POU2F3: variants seen among roughly 807,000 people sequenced by gnomAD.
The protein encoded by POU2F3 is POU domain, class 2, transcription factor 3.
A neutral mutation model predicts 59.2 loss-of-function variants in POU2F3; 23 were observed. The ratio of observed to expected loss-of-function variants is 0.39; its 90% confidence interval spans 0.28 to 0.55. The LOEUF is 0.55. Among genes scored for constraint, POU2F3 ranks in the 20% least tolerant of loss-of-function variants. The pLI is 0.66. For synonymous variants in POU2F3, 190 were observed against 214.6 expected (o/e 0.89, Z 1.00); for missense variants, 473 against 544.5 (o/e 0.87, Z 1.31).
At chr11:120,237,323 C>T (rs961307422), upstream of POU2F3, among the ~76,000 whole-genome samples, 1 of 151,938 alleles carries the variant, frequency 6.6e-6, no homozygotes, top group Admixed American at 6.5e-5. Flanking sequence ...CTATCCTCTC[C>T]CCACCCAGCC....
chr11:120,268,086 A>G (rs1939910602), intron 2 of POU2F3, among the ~76,000 whole-genome samples: 1 of 152,178 alleles, frequency 6.6e-6, no homozygotes, highest in South Asian at 2.1e-4. Flanking sequence ...GTAACCATTA[A>G]AAATGATACT....
chr11:120,279,020 A>G (rs1940451988), intron 3 of POU2F3, among the ~76,000 whole-genome samples: 1 of 152,164 alleles, frequency 6.6e-6, no homozygotes, highest in Non-Finnish European at 1.5e-5. Flanking sequence ...CCGGGCATTG[A>G]GTATAAAAGG....
At chr11:120,239,204 A>G (rs1344496224), upstream of POU2F3, among the ~76,000 whole-genome samples, 1 of 152,328 alleles carries the variant, frequency 6.6e-6, no homozygotes, top group Middle Eastern at 3.4e-3. Context: ...AAGGAAAGCG[A>G]GGCCCTGCCC....
chr11:120,305,663 T>C lies in POU2F3; in HGVS notation c.647T>C (p.Met216Thr), dbSNP rs371408943. The change falls in exon 8 of 13, where the codon ATG becomes ACG. Residue 216 changes from methionine to threonine, a missense_variant. Coordinates refer to ENST00000543440, the MANE Select transcript of POU2F3 (RefSeq NM_014352.4). The part of the protein sequence containing the change: ...GFTQGDVGLA[M>T]GKLYGNDFSQ... Reference sequence around the variant, plus strand: ...GCTTAGGGAGATGTGGGGCTGGCGATGGGAAAGCTGTATGGCAACGACTTC... The same window carrying C: ...GCTTAGGGAGATGTGGGGCTGGCGACGGGAAAGCTGTATGGCAACGACTTC... The C allele has an allele frequency of 1.2e-6, 2 of 1,613,884 alleles. No homozygotes were observed.
At chr11:120,244,644 T>C (rs1035283096) in intron 1 of POU2F3, among the ~76,000 whole-genome samples, 2 of 152,152 alleles carry the variant, frequency 1.3e-5, no homozygotes, top group Non-Finnish European at 2.9e-5. Context: ...TTTCCAGCAG[T>C]CTCTGACTCA....
chr11:120,265,348 A>G (rs1212078380), intron 2 of POU2F3: 1 of 150,472 alleles, frequency 6.6e-6, no homozygotes, highest in African/African-American at 2.5e-5. Context: ...AGGCTGAGCC[A>G]TGTGCCACTC....
chr11:120,282,947 G>T (rs1271729380), intron 3 of POU2F3, among the ~76,000 whole-genome samples: 3 of 152,206 alleles, frequency 2.0e-5, no homozygotes, highest in African/African-American at 4.8e-5. Context: ...AGCCTAGGAA[G>T]ATTTGGATAC....
rs559034361 is a variant in POU2F3 at position 120,315,397 on chromosome 11, C to T, written c.1105C>T (p.Pro369Ser). The change falls in exon 11 of 13, where the codon CCT becomes TCT. Residue 369 changes from proline to serine, a missense_variant. Physicochemically the swap from Pro to Ser is moderately conservative, Grantham distance 74. Coordinates refer to ENST00000543440, the MANE Select transcript of POU2F3 (RefSeq NM_014352.4). The part of the protein sequence containing the change: ...PSGSLGPLSV[P>S]PVHSTMPGTV... The stretch of plus-strand genomic sequence containing the variant: ...AGGGTCTCTGGGCCCCCTCTCTGTC[C>T]CTCCTGTCCACAGTACCATGCCTGG... 2 of 1,613,658 alleles carry T rather than the reference C, an allele frequency of 1.2e-6. No individual in the cohort carries two copies. The highest frequency in any genetic ancestry group is 1.7e-5 in the Admixed American group (1 of 60,020).
In POU2F3 at chr11:120,255,300, A is replaced by G. The variant is rs540888255; in HGVS notation, c.97+8783A>G. ...CAGCTGGGGACACTCCACCTGCCCC[A>G]GTAGGGGGCTTGCCTTCCCTTCAGC... On this transcript the variant is annotated intron_variant, in intron 2 of 12. Coordinates refer to ENST00000543440, the MANE Select transcript of POU2F3 (RefSeq NM_014352.4). Among the ~76,000 whole-genome samples, 10 of 152,286 alleles carry G rather than the reference A, an allele frequency of 6.6e-5. No individual in the cohort carries two copies. The East Asian group carries it at 1.9e-3, about 30-fold the overall frequency.
At chr11:120,292,248 C>T (rs1490473079) in intron 3 of POU2F3, among the ~76,000 whole-genome samples, 3 of 152,138 alleles carry the variant, frequency 2.0e-5, no homozygotes, top group Admixed American at 2.0e-4. Flanking sequence ...AGTCAGGATC[C>T]TGATTGATTC....
upstream of POU2F3, among the ~76,000 whole-genome samples, chr11:120,236,871 G>A (rs757520534): frequency 2.4e-4 from 37 of 152,194 alleles, no homozygotes; most frequent in Non-Finnish European, 5.0e-4. Flanking sequence ...GGCACATGAG[G>A]GAGAAGCAGG....
At chr11:120,280,165 G>T (rs1264158416) in intron 3 of POU2F3, among the ~76,000 whole-genome samples, 1 of 152,192 alleles carries the variant, frequency 6.6e-6, no homozygotes, top group Non-Finnish European at 1.5e-5. Context: ...CAAGGCTTTT[G>T]AAAGGGAAGC....
At chr11:120,304,986 T>A (rs537192186) in intron 6 of POU2F3, 44 bp from the exon 7 acceptor site, 1 of 1,239,958 alleles carries the variant, frequency 8.1e-7, no homozygotes, top group Admixed American at 2.3e-5. Context: ...AAAATGTTAT[T>A]TATTGATCTT....
chr11:120,266,935 G>C (rs1939848789), intron 2 of POU2F3, among the ~76,000 whole-genome samples: 1 of 152,194 alleles, frequency 6.6e-6, no homozygotes, highest in African/African-American at 2.4e-5. Context: ...ACTGTGCTTA[G>C]TAAATACTTG....
At chr11:120,300,990 A>G (rs1241307220) in intron 5 of POU2F3, 7 of 454,038 alleles carry the variant, frequency 1.5e-5, no homozygotes, top group Non-Finnish European at 3.1e-5. Flanking sequence ...TAAAAAATAA[A>G]CATCATACTC....
intron 3 of POU2F3, among the ~76,000 whole-genome samples, chr11:120,288,660 T>C (rs778025506): frequency 1.3e-5 from 2 of 152,212 alleles, no homozygotes; most frequent in Non-Finnish European, 2.9e-5. Context: ...CTTTGTAAAC[T>C]GCAGAACATC....
At chr11:120,239,817 T>C (rs1938589333), upstream of POU2F3, among the ~76,000 whole-genome samples, 1 of 152,122 alleles carries the variant, frequency 6.6e-6, no homozygotes, top group Admixed American at 6.5e-5. Flanking sequence ...TCCAACTCCT[T>C]GCAGCGCTTA....
Position 120,305,707 on chromosome 11 carries a change from C to T in POU2F3, c.691C>T (p.Arg231Ter), listed in dbSNP as rs1316917044. ...GNDFSQTTISRFEALNLSFKN... is the reference protein window; with the variant it reads ...GNDFSQTTIS ...CGACTTCAGCCAGACCACCATCTCA[C>T]GATTTGAGGCCCTCAACCTGAGCTT... Residue 231 changes from arginine (R) to a stop codon, truncating the protein, a stop_gained, in exon 8 of 13, where the codon CGA becomes TGA. Coordinates refer to ENST00000543440, the MANE Select transcript of POU2F3 (RefSeq NM_014352.4). LOFTEE classifies it high-confidence loss of function. 8 of 1,613,990 alleles carry T rather than the reference C, an allele frequency of 5.0e-6. No individual in the cohort carries two copies. The highest frequency in any genetic ancestry group is 1.7e-6 in the Non-Finnish European group (2 of 1,180,040).
At chr11:120,245,765 C>G (rs986905810) in intron 1 of POU2F3, among the ~76,000 whole-genome samples, 10 of 152,184 alleles carry the variant, frequency 6.6e-5, no homozygotes, top group Admixed American at 6.5e-4. Context: ...TAGGTATTCT[C>G]TTTCTGTGGG....
Sources: allele counts gnomAD v4.1 joint callset (sites outside exome capture counted in the v4.1 genomes callset), GRCh38; gene constraint gnomAD v4.1.1; transcripts MANE v1.5; gene names NCBI Gene and HGNC (gene_info 2026-07-23, HGNC 2026-07-21).